The following MERTK variants were observed in gnomAD, a reference collection of about 807,000 sequenced individuals.
The protein encoded by MERTK is MER proto-oncogene, tyrosine kinase.
A neutral mutation model predicts 99.3 loss-of-function variants in MERTK; 69 were observed. The ratio of observed to expected loss-of-function variants is 0.70; its 90% confidence interval spans 0.57 to 0.85. MERTK has a LOEUF of 0.85. Ranked by LOEUF, MERTK falls within the 40% of genes least tolerant of loss-of-function variation. The pLI is 0.00. For synonymous variants in MERTK, 426 were observed against 467.6 expected (o/e 0.91, Z 1.15); for missense variants, 1,125 against 1,249.4 (o/e 0.90, Z 1.50).
chr2:111,980,046 T>G (rs2104738483), intron 7 of MERTK, among the ~76,000 whole-genome samples: 1 of 152,310 alleles, frequency 6.6e-6, no homozygotes, highest in Admixed American at 6.5e-5. Context: ...GATTGGACAG[T>G]GACCTAAGTG....
At position 112,029,395 on chromosome 2, in the gene MERTK, A is replaced by ACAC; in HGVS notation, c.*531_*532insCAC. 1 of 920,570 alleles carries ACAC rather than the reference A, an allele frequency of 1.1e-6. No homozygotes were observed. Among genetic ancestry groups the ACAC allele is most frequent in the Non-Finnish European group, 1.3e-6 (1 of 770,644 alleles). 57.0% of individuals were successfully genotyped at this position (920,570 alleles called of 1,614,324 possible). ...ATATGTTGAACTTACTTGAGACTTG[A>ACAC]AAGACAGTGGTCGGCAGCGGCCTTG... On this transcript the variant is annotated 3_prime_UTR_variant, in exon 19 of 19. Coordinates refer to ENST00000295408, the MANE Select transcript of MERTK (RefSeq NM_006343.3).
intron 15 of MERTK, among the ~76,000 whole-genome samples, chr2:112,017,876 A>G (rs1296484665): frequency 6.6e-6 from 1 of 152,198 alleles, no homozygotes; most frequent in South Asian, 2.1e-4. Flanking sequence ...GTTCTACAAC[A>G]AGTAGAATGA....
At chr2:112,009,874 C>T (rs1677059200) in intron 14 of MERTK, 74 bp from the exon 15 acceptor site, 1 of 1,133,366 alleles carries the variant, frequency 8.8e-7, no homozygotes, top group Non-Finnish European at 1.3e-6. Context: ...TCAGTTTTTC[C>T]AGTGGTCCAC....
At chr2:112,023,211 G>A (rs1326514794) in intron 18 of MERTK, among the ~76,000 whole-genome samples, 2 of 152,080 alleles carry the variant, frequency 1.3e-5, no homozygotes, top group Admixed American at 6.5e-5. Context: ...TCAGGAGTTC[G>A]AGACCATCCT....
At chr2:111,908,319 C>A (rs1303428911) in intron 1 of MERTK, among the ~76,000 whole-genome samples, 1 of 152,140 alleles carries the variant, frequency 6.6e-6, no homozygotes, top group African/African-American at 2.4e-5. Flanking sequence ...CTCAGCTACT[C>A]TTTATACTCA....
At position 111,910,610 on chromosome 2, in the gene MERTK, G is replaced by GTGTGTATATATATA. The variant is rs370882764; in HGVS notation, c.61+11815_61+11816insGTGTATATATATAT. Among the ~76,000 whole-genome samples the GTGTGTATATATATA allele has an allele frequency of 6.5e-4, 93 of 143,654 alleles. 1 individual carries two copies. Among genetic ancestry groups the GTGTGTATATATATA allele is most frequent in the Middle Eastern group, 7.4e-3 (2 of 272 alleles). 94.2% of individuals were successfully genotyped at this position (143,654 alleles called of 152,430 possible). On this transcript the variant is annotated intron_variant, in intron 1 of 18. Transcript: ENST00000295408. ...AAAAAAAGTGTGTGTGTGTGTGTGT[G>GTGTGTATATATATA]TATATATATATATATATACAAATGG...
intron 4 of MERTK, among the ~76,000 whole-genome samples, chr2:111,949,701 A>G (rs1113418): frequency 0.52 from 79,638 of 151,896 alleles, 21,049 homozygotes; most frequent in Middle Eastern, 0.56. Context: ...AAGATATAGA[A>G]TATTGCCATC....
At chr2:111,932,127 T>C (rs1009402786) in intron 2 of MERTK, among the ~76,000 whole-genome samples, 1 of 152,206 alleles carries the variant, frequency 6.6e-6, no homozygotes. Context: ...AAAAATCTTA[T>C]TTGACCTCCA....
chr2:112,027,230 A>G (rs569075520), intron 18 of MERTK, among the ~76,000 whole-genome samples: 3 of 151,548 alleles, frequency 2.0e-5, no homozygotes, highest in South Asian at 4.2e-4. Context: ...GGCCAGGCAT[A>G]TTAATTGGCA....
chr2:111,989,618 G>A (rs1676568587), intron 8 of MERTK, among the ~76,000 whole-genome samples: 1 of 152,178 alleles, frequency 6.6e-6, no homozygotes, highest in African/African-American at 2.4e-5. Flanking sequence ...GCCTCCCAAA[G>A]TGCTGGGATT....
At chr2:111,979,626 T>C (rs374611289) in intron 7 of MERTK, among the ~76,000 whole-genome samples, 27 of 152,140 alleles carry the variant, frequency 1.8e-4, no homozygotes, top group East Asian at 1.5e-3. Flanking sequence ...TCCTCAATTT[T>C]CTTTTTTCAA....
chr2:112,029,117 T>C lies in MERTK; in HGVS notation c.*253T>C. On this transcript the variant is annotated 3_prime_UTR_variant, in exon 19 of 19. Coordinates refer to ENST00000295408, the MANE Select transcript of MERTK (RefSeq NM_006343.3). ...TAAAACATTACTTATTTCATTTCAC[T>C]TATCTTGCATATCTTAAAATTAAGC... The C allele has an allele frequency of 4.3e-6, 5 of 1,161,804 alleles. No homozygotes were observed. Among genetic ancestry groups the C allele is most frequent in the Non-Finnish European group, 5.3e-6 (5 of 934,918 alleles). The allele number at this position is 1,161,804 out of a possible 1,614,324, so 72.0% of individuals were successfully genotyped here. A position where few individuals can be genotyped will look rare whatever the true frequency, so the allele number is the denominator to read the frequency against.
intron 4 of MERTK, among the ~76,000 whole-genome samples, chr2:111,960,938 A>G (rs1434334143): frequency 2.6e-5 from 4 of 151,708 alleles, no homozygotes; most frequent in African/African-American, 9.7e-5. Flanking sequence ...CAAGCAGAAG[A>G]TATAAAGACC....
At chr2:111,918,687 A>G (rs1226318520) in intron 1 of MERTK, among the ~76,000 whole-genome samples, 3 of 152,264 alleles carry the variant, frequency 2.0e-5, no homozygotes, top group Admixed American at 2.0e-4. Flanking sequence ...TTTGGCATTG[A>G]TAGTCCAGGC....
In MERTK at chr2:112,005,565, G is replaced by C. The variant is rs1676963627; in HGVS notation, c.1867+1581G>C. ...TTTCTGGAGCTGGGGCCACACAGCT[G>C]TATAAGTTTGATTCTATAGGTGTCT... On this transcript the variant is annotated intron_variant, in intron 13 of 18. Transcript: ENST00000295408. Among the ~76,000 whole-genome samples, 7 of 152,162 alleles carry C rather than the reference G, an allele frequency of 4.6e-5. No individual in the cohort carries two copies. The South Asian group carries it at 1.4e-3, about 32-fold the overall frequency.
chr2:111,946,195 G>T (rs1684958437), intron 3 of MERTK, among the ~76,000 whole-genome samples: 1 of 152,060 alleles, frequency 6.6e-6, no homozygotes, highest in South Asian at 2.1e-4. Context: ...CTTTCTCAGG[G>T]TTACGTCAAC....
At chr2:111,967,670 TC>T (rs1302837781) in intron 5 of MERTK, among the ~76,000 whole-genome samples, 1 of 152,088 alleles carries the variant, frequency 6.6e-6, no homozygotes, top group Admixed American at 6.6e-5. Flanking sequence ...GCACACACTC[TC>T]CTGTGGCACC....
Position 112,008,418 on chromosome 2 carries a change from C to T in MERTK, c.1903C>T (p.Leu635Phe). Reference sequence around the variant, plus strand: ...TTCACAGCGGGAGATCGAGGAGTTTCTCAGTGAGGCAGCGTGCATGAAAGA... The same window carrying T: ...TTCACAGCGGGAGATCGAGGAGTTTTTCAGTGAGGCAGCGTGCATGAAAGA... The part of the protein sequence containing the change: ...NSSQREIEEF[L>F]SEAACMKDFS... The change falls in exon 14 of 19, where the codon CTC (leucine) becomes TTC (phenylalanine). Residue 635 changes from leucine (L) to phenylalanine (F), a missense_variant. By Grantham distance (22) the Leu-to-Phe change is conservative. Transcript: ENST00000295408. The T allele has an allele frequency of 6.2e-7, 1 of 1,614,074 alleles. No individual in the cohort carries two copies. Among genetic ancestry groups the T allele is most frequent in the South Asian group, 1.1e-5 (1 of 91,078 alleles).
intron 2 of MERTK, among the ~76,000 whole-genome samples, chr2:111,931,575 A>G (rs1455153685): frequency 6.6e-6 from 1 of 152,028 alleles, no homozygotes; most frequent in Non-Finnish European, 1.5e-5. Context: ...AGTCCCAGAT[A>G]CTCGGGAGAC....
Sources: gnomAD v4.1 joint callset for allele counts (sites outside exome capture counted in the v4.1 genomes callset) on GRCh38, gnomAD v4.1.1 for gene constraint, MANE v1.5 for transcripts, NCBI Gene and HGNC (gene_info 2026-07-23, HGNC 2026-07-21) for gene names.